Variants in RPL37A observed in about 807,000 individuals in gnomAD.
RPL37A encodes large ribosomal subunit protein eL43.
In RPL37A, 5 loss-of-function variants were observed where a neutral mutation model predicts 13.6. The ratio of observed to expected loss-of-function variants is 0.37; its 90% CI spans 0.19 to 0.78. The LOEUF (loss-of-function observed/expected upper bound fraction) is 0.78, where lower values mean the gene tolerates loss of function less well. Ranked by LOEUF, RPL37A falls within the 30% of genes least tolerant of loss-of-function variation. The pLI is 0.49. For missense variants in RPL37A, 77 were observed against 120.0 expected, an observed-to-expected ratio of 0.64 and a Z score of 1.67; for synonymous variants, 50 against 44.4, an observed-to-expected ratio of 1.13 and a Z score of -0.50.
intron 3 of RPL37A, 115 bp from the exon 4 acceptor site, chr2:216,501,224 TTC>T: frequency 1.4e-6 from 1 of 736,716 alleles, no homozygotes; most frequent in Admixed American, 2.1e-5. Flanking sequence ...CTCAGTATAA[TTC>T]TTTCTAGGAA....
Position 216,498,871 on chromosome 2 carries a change from C to A in RPL37A, c.-4C>A, listed in dbSNP as rs775792567. 36 of 1,613,984 alleles carry A rather than the reference C, an allele frequency of 2.2e-5. No individual in the cohort carries two copies. In the Admixed American group the frequency reaches 4.5e-4, roughly 20 times the overall value. On this transcript the variant is annotated 5_prime_UTR_variant, in exon 1 of 4. Coordinates refer to ENST00000491306, the MANE Select transcript of RPL37A (RefSeq NM_000998.5). Reference sequence around the variant, plus strand: ...TTCTGGGCTCGGACCTAGGTCGCGGCGACATGGTGAGTGTGGGTCTCTGTG... The same window carrying A: ...TTCTGGGCTCGGACCTAGGTCGCGGAGACATGGTGAGTGTGGGTCTCTGTG...
rs1695545112 is a variant in RPL37A, at chr2:216,498,854, TC to T, written c.-20del. ...GCACCGCGTCTCTTCCTTTCTGGGC[TC>T]GGACCTAGGTCGCGGCGACATGGTG... On this transcript the variant is annotated 5_prime_UTR_variant, in exon 1 of 4. Transcript: ENST00000491306. 6.2e-7 allele frequency: 1 copy of T among 1,614,020 alleles called. No homozygotes were observed. Among genetic ancestry groups the T allele is most frequent in the Non-Finnish European group, 8.5e-7 (1 of 1,179,978 alleles).
At position 216,498,856 on chromosome 2, in the gene RPL37A, G is replaced by T. The variant is rs778780972; in HGVS notation, c.-19G>T. On this transcript the variant is annotated 5_prime_UTR_variant, in exon 1 of 4. Coordinates refer to ENST00000491306, the MANE Select transcript of RPL37A (RefSeq NM_000998.5). ...ACCGCGTCTCTTCCTTTCTGGGCTC[G>T]GACCTAGGTCGCGGCGACATGGTGA... 31 of 1,613,990 alleles carry T rather than the reference G, an allele frequency of 1.9e-5. No individual in the cohort carries two copies. The highest frequency in any genetic ancestry group is 2.4e-5 in the Non-Finnish European group (28 of 1,179,970).
rs1455904463 is a variant in RPL37A, at chr2:216,499,695, T to G, written c.133-254T>G. The G allele has an allele frequency of 4.5e-6, 3 of 660,518 alleles. No individual in the cohort carries two copies. In the African/African-American group the frequency reaches 5.4e-5, roughly 12 times the overall value. 40.9% of individuals were successfully genotyped at this position (660,518 alleles called of 1,614,324 possible). A position where few individuals can be genotyped will look rare whatever the true frequency, so the allele number is the denominator to read the frequency against. ...TGATTCCATCAGTTTTGTCTACTGATGTTTCTGCACCAACTCCCAAGATGT... is the reference window on the plus strand; with the variant it reads ...TGATTCCATCAGTTTTGTCTACTGAGGTTTCTGCACCAACTCCCAAGATGT... On this transcript the variant is annotated intron_variant, in intron 2 of 3. Coordinates refer to ENST00000491306, the MANE Select transcript of RPL37A (RefSeq NM_000998.5).
rs1387321607 is a variant in RPL37A at position 216,503,139 on chromosome 2, A to G, written c.*1735A>G. 1 of 152,176 alleles carries G rather than the reference A, an allele frequency of 6.6e-6. No homozygotes were observed. The highest frequency in any genetic ancestry group is 1.5e-5 in the Non-Finnish European group (1 of 68,040). The allele number at this position is 152,176 out of a possible 1,614,324, so 9.4% of individuals were successfully genotyped here. A position where few individuals can be genotyped will look rare whatever the true frequency, so the allele number is the denominator to read the frequency against. On this transcript the variant is annotated 3_prime_UTR_variant, in exon 4 of 4. Transcript: ENST00000491306. ...TAGGATCTCCAGGTGAGTGACCAGG[A>G]TTTCATGTAAGCATAGGGAATTGAA...
rs1695612374 is a variant in RPL37A at position 216,502,300 on chromosome 2, T to G, written c.*896T>G. On this transcript the variant is annotated 3_prime_UTR_variant, in exon 4 of 4. Transcript: ENST00000491306. ...CAGGATCGTGCCACTGCACTTTATT[T>G]AGCCAGGACAACACTCTGTCTCCAA... 6.6e-6 allele frequency: 1 copy of G among 151,920 alleles called. No homozygotes were observed. Among genetic ancestry groups the G allele is most frequent in the African/African-American group, 2.4e-5 (1 of 41,300 alleles). 9.4% of individuals were successfully genotyped at this position (151,920 alleles called of 1,614,324 possible).
intron 2 of RPL37A, 56 bp from the exon 3 acceptor site, chr2:216,499,893 G>T (rs1377212090): frequency 7.0e-7 from 1 of 1,436,642 alleles, no homozygotes; most frequent in African/African-American, 1.4e-5. Flanking sequence ...ACTTCTGGAT[G>T]CTTGTAAGAG....
rs111309414 is a variant in RPL37A, at chr2:216,499,928, A to C, written c.133-21A>C. ...GAAAATACTTACTTGGTTCATAGTG[A>C]AAATTGGTTCTCTTTTATAGACCAA... is the stretch of plus-strand genomic sequence containing the variant. On this transcript the variant is annotated intron_variant, in intron 2 of 3. Transcript: ENST00000491306. The C allele has an allele frequency of 4.2e-5, 67 of 1,602,076 alleles. 1 individual carries two copies. The African/African-American group carries it at 7.6e-4, about 18-fold the overall frequency.
At position 216,502,705 on chromosome 2, in the gene RPL37A, CT is replaced by C. The variant is rs1386241689; in HGVS notation, c.*1304del. ...TTTATCTATCCCAGAGTCAGTAGTC[CT>C]TTAAGGATGCAAATTTAATTCGATA... On this transcript the variant is annotated 3_prime_UTR_variant, in exon 4 of 4. Transcript: ENST00000491306. The C allele has an allele frequency of 6.6e-6, 1 of 152,202 alleles. No individual in the cohort carries two copies. Among genetic ancestry groups the C allele is most frequent in the Non-Finnish European group, 1.5e-5 (1 of 68,046 alleles). The allele number at this position is 152,202 out of a possible 1,614,324, so 9.4% of individuals were successfully genotyped here.
intron 1 of RPL37A, 58 bp from the exon 2 acceptor site, chr2:216,499,212 C>T (rs1456516304): frequency 3.2e-6 from 5 of 1,575,220 alleles, no homozygotes; most frequent in Non-Finnish European, 4.3e-6. Flanking sequence ...TGTGTGGAGG[C>T]TCCAGGGCCT....
In RPL37A at chr2:216,503,040, A is replaced by G; in HGVS notation, c.*1636A>G. 1 of 152,306 alleles carries G rather than the reference A, an allele frequency of 6.6e-6. No individual in the cohort carries two copies. The allele number at this position is 152,306 out of a possible 1,614,324, so 9.4% of individuals were successfully genotyped here. A position where few individuals can be genotyped will look rare whatever the true frequency, so the allele number is the denominator to read the frequency against. ...GTGGGTCAGTAGGGGTAGGACCAGG[A>G]GTGACAAGTCAGGATTTTCAGGCTT... On this transcript the variant is annotated 3_prime_UTR_variant, in exon 4 of 4. Transcript: ENST00000491306.
At chr2:216,498,942 C>T (rs914342064) in intron 1 of RPL37A, 65 bp downstream of exon 1, 1 of 1,596,966 alleles carries the variant, frequency 6.3e-7, no homozygotes, top group African/African-American at 1.3e-5. Flanking sequence ...TTTTCTTCTC[C>T]CGCACCCATC....
intron 2 of RPL37A, 67 bp downstream of exon 2, chr2:216,499,465 C>T (rs1695558609): frequency 6.4e-7 from 1 of 1,572,460 alleles, no homozygotes; most frequent in Non-Finnish European, 8.6e-7. Flanking sequence ...TGAGGCCTGA[C>T]TTCAAGGTAT....
At position 216,502,192 on chromosome 2, in the gene RPL37A, T is replaced by C. The variant is rs1695609620; in HGVS notation, c.*788T>C. 1 of 151,874 alleles carries C rather than the reference T, an allele frequency of 6.6e-6. No individual in the cohort carries two copies. Among genetic ancestry groups the C allele is most frequent in the African/African-American group, 2.4e-5 (1 of 41,416 alleles). 9.4% of individuals were successfully genotyped at this position (151,874 alleles called of 1,614,324 possible). A position where few individuals can be genotyped will look rare whatever the true frequency, so the allele number is the denominator to read the frequency against. ...AAATACAAAAAATAGCTTGGTATGG[T>C]GGCACATGCCTGTAATCCCAGCTAC... On this transcript the variant is annotated 3_prime_UTR_variant, in exon 4 of 4. Coordinates refer to ENST00000491306, the MANE Select transcript of RPL37A (RefSeq NM_000998.5).
intron 2 of RPL37A, 30 bp from the exon 3 acceptor site, chr2:216,499,919 T>G (rs749586898): frequency 1.3e-6 from 2 of 1,571,184 alleles, no homozygotes; most frequent in Non-Finnish European, 1.8e-6. Context: ...ACTTACTTGG[T>G]TCATAGTGAA....
chr2:216,498,990 A>G (rs1695549618), intron 1 of RPL37A, 113 bp downstream of exon 1: 2 of 1,456,900 alleles, frequency 1.4e-6, no homozygotes, highest in Non-Finnish European at 1.9e-6. Context: ...TCCTGTCTCC[A>G]TGCCTTTGCA....
At chr2:216,500,785 C>T (rs1695586745) in intron 3 of RPL37A, 1 of 152,210 alleles carries the variant, frequency 6.6e-6, no homozygotes, top group South Asian at 2.1e-4. Flanking sequence ...GGTATAGTTC[C>T]TGAATTTTAT....
Position 216,502,956 on chromosome 2 carries a change from G to T in RPL37A, c.*1552G>T, listed in dbSNP as rs2106111719. 1 of 152,262 alleles carries T rather than the reference G, an allele frequency of 6.6e-6. No individual in the cohort carries two copies. Among genetic ancestry groups the T allele is most frequent in the South Asian group, 2.1e-4 (1 of 4,828 alleles). 9.4% of individuals were successfully genotyped at this position (152,262 alleles called of 1,614,324 possible). A position where few individuals can be genotyped will look rare whatever the true frequency, so the allele number is the denominator to read the frequency against. ...GATCCATAGCAGTAACTCATCTGTG[G>T]ATCTCATTTGTGTCACAAAATGGTA... On this transcript the variant is annotated 3_prime_UTR_variant, in exon 4 of 4. Coordinates refer to ENST00000491306, the MANE Select transcript of RPL37A (RefSeq NM_000998.5).
rs1024300222 is a variant in RPL37A at position 216,501,783 on chromosome 2, T to C, written c.*379T>C. ...CCCAGGCTGGAGTGCAGTATACCAG[T>C]CTTGGCCCACTTCAACCTCCACTTC... On this transcript the variant is annotated 3_prime_UTR_variant, in exon 4 of 4. Transcript: ENST00000491306. 3 of 161,694 alleles carry C rather than the reference T, an allele frequency of 1.9e-5. No homozygotes were observed. The highest frequency in any genetic ancestry group is 7.2e-5 in the African/African-American group (3 of 41,594). The allele number at this position is 161,694 out of a possible 1,614,324, so 10.0% of individuals were successfully genotyped here.
Sources: gnomAD v4.1 joint callset for allele counts on GRCh38, gnomAD v4.1.1 for gene constraint, MANE v1.5 for transcripts, NCBI Gene and HGNC (gene_info 2026-07-23, HGNC 2026-07-21) for gene names.